The following TNS1 variants were observed in gnomAD, a reference collection of about 807,000 sequenced individuals.
The protein encoded by TNS1 is tensin 1, also known as tensin-1.
In TNS1, 62 loss-of-function variants were observed where a neutral mutation model predicts 168.6. The observed-to-expected ratio is 0.37, with a 90% CI of 0.30 to 0.45. The LOEUF is 0.45. Ranked by LOEUF, TNS1 falls within the 20% of genes least tolerant of loss-of-function variation. The pLI is 1.00. For synonymous variants in TNS1, 934 were observed against 933.2 expected, an observed-to-expected ratio of 1.00 and a Z score of -0.02; for missense variants, 2,240 against 2,339.4, an observed-to-expected ratio of 0.96 and a Z score of 0.88.
intron 3 of TNS1, among the ~76,000 whole-genome samples, chr2:217,949,355 G>T (rs912001613): frequency 1.3e-5 from 2 of 152,196 alleles, no homozygotes; most frequent in African/African-American, 4.8e-5. Flanking sequence ...CTGCCTCCAG[G>T]GCAGGGTTTC....
intron 3 of TNS1, among the ~76,000 whole-genome samples, chr2:217,920,609 T>C (rs1955617641): frequency 1.3e-5 from 2 of 151,166 alleles, no homozygotes; most frequent in Admixed American, 6.6e-5. Context: ...TTCTACAATA[T>C]GGTAAAATTC....
At chr2:218,020,849 C>T (rs1268387589) in intron 1 of TNS1, among the ~76,000 whole-genome samples, 1 of 152,160 alleles carries the variant, frequency 6.6e-6, no homozygotes, top group Admixed American at 6.5e-5. Flanking sequence ...CCTTGACTAT[C>T]CCTTTACTAA....
Position 217,812,437 on chromosome 2 carries a change from A to T in TNS1, c.4963T>A (p.Ser1655Thr), listed in dbSNP as rs547668519. Residue 1655 changes from serine to threonine, a missense_variant, in exon 28 of 33, where the codon TCT becomes ACT. Coordinates refer to ENST00000682258, the MANE Select transcript of TNS1 (RefSeq NM_001387777.1). ...CPNEPNFGSL[S>T]ALVYQHSIIP... ...ATGGAGTGCTGGTAGACCAGGGCAG[A>T]CAGCGATCCTGTAGGGAGGCAGACG... 8.7e-6 allele frequency: 14 copies of T among 1,614,004 alleles called. No homozygotes were observed. The highest frequency in any genetic ancestry group is 1.2e-5 in the Non-Finnish European group (14 of 1,180,012).
chr2:217,965,962 G>A (rs35638311), intron 3 of TNS1, among the ~76,000 whole-genome samples: 25,110 of 151,390 alleles, frequency 0.17, 2,586 homozygotes, highest in African/African-American at 0.29. Context: ...TCCCTCTAGC[G>A]TGCTTCATCC....
intron 12 of TNS1, among the ~76,000 whole-genome samples, chr2:217,887,813 G>C (rs1951352709): frequency 6.6e-6 from 1 of 152,246 alleles, no homozygotes; most frequent in South Asian, 2.1e-4. Flanking sequence ...ATAAACTAGA[G>C]ATCGGTCATC....
chr2:217,958,777 G>A (rs1030667461), intron 3 of TNS1, among the ~76,000 whole-genome samples: 1 of 152,252 alleles, frequency 6.6e-6, no homozygotes, highest in Non-Finnish European at 1.5e-5. Flanking sequence ...GCGGGAGCCT[G>A]AGGCCCAGCA....
Position 217,941,070 on chromosome 2 carries a change from G to T in TNS1, c.187-20834C>A, listed in dbSNP as rs149603741. 2.0e-5 allele frequency among the ~76,000 whole-genome samples: 3 copies of T among 152,250 alleles called. No individual in the cohort carries two copies. The East Asian group carries it at 5.8e-4, about 29-fold the overall frequency. ...CCACTTGATGCTGCCCGGACAACCC[G>T]CATTATTTACAAATGTGGAAACTGA... On this transcript the variant is annotated intron_variant, in intron 3 of 32. Coordinates refer to ENST00000682258, the MANE Select transcript of TNS1 (RefSeq NM_001387777.1).
At chr2:217,860,263 T>C (rs1431080107) in intron 18 of TNS1, among the ~76,000 whole-genome samples, 1 of 151,768 alleles carries the variant, frequency 6.6e-6, no homozygotes, top group Non-Finnish European at 1.5e-5. Flanking sequence ...TCTTTGAGGG[T>C]AAAGAAAGAA....
chr2:217,891,185 C>T, intron 11 of TNS1, 140 bp from the exon 12 acceptor site: 3 of 737,098 alleles, frequency 4.1e-6, no homozygotes, highest in Non-Finnish European at 6.9e-6. Context: ...AAGCCTCTTC[C>T]CCCTGCCATC....
intron 3 of TNS1, among the ~76,000 whole-genome samples, chr2:217,975,971 G>T (rs1957884451): frequency 6.6e-6 from 1 of 152,058 alleles, no homozygotes; most frequent in South Asian, 2.1e-4. Context: ...AAACTCCCCA[G>T]CACTCACTAC....
chr2:217,980,020 G>C (rs942968215), intron 2 of TNS1, among the ~76,000 whole-genome samples: 9 of 152,136 alleles, frequency 5.9e-5, no homozygotes, highest in African/African-American at 1.9e-4. Flanking sequence ...CCACACTAAG[G>C]CTTCTTCTGA....
At chr2:217,832,343 A>G (rs984433757) in intron 21 of TNS1, among the ~76,000 whole-genome samples, 5 of 152,152 alleles carry the variant, frequency 3.3e-5, no homozygotes, top group Non-Finnish European at 1.5e-5. Context: ...GCTTTTTCCC[A>G]TTAGCCAAGA....
chr2:217,898,453 CT>C (rs1386672243), intron 7 of TNS1, among the ~76,000 whole-genome samples: 1 of 152,234 alleles, frequency 6.6e-6, no homozygotes, highest in East Asian at 1.9e-4. Context: ...CTGCCCGCCC[CT>C]AGCTCTCGAG....
At chr2:218,020,707 G>A (rs753793327) in intron 1 of TNS1, among the ~76,000 whole-genome samples, 1 of 152,190 alleles carries the variant, frequency 6.6e-6, no homozygotes, top group African/African-American at 2.4e-5. Flanking sequence ...CTAGCAAAAA[G>A]TGAGTGTTTG....
chr2:218,013,849 G>A (rs1009123703), upstream of TNS1, among the ~76,000 whole-genome samples: 1 of 151,676 alleles, frequency 6.6e-6, no homozygotes, highest in Non-Finnish European at 1.5e-5. Context: ...GCAGGCCAGG[G>A]AGGAGGCTCC....
intron 3 of TNS1, among the ~76,000 whole-genome samples, chr2:217,937,556 T>A (rs1320167823): frequency 6.6e-6 from 1 of 152,000 alleles, no homozygotes; most frequent in Non-Finnish European, 1.5e-5. Context: ...AGGGCCCTAA[T>A]CAGCAGGACT....
chr2:217,816,060 C>T (rs2125139279), intron 24 of TNS1, among the ~76,000 whole-genome samples: 1 of 152,282 alleles, frequency 6.6e-6, no homozygotes, highest in African/African-American at 2.4e-5. Flanking sequence ...TCAGACAGGA[C>T]ACAGTCCAAC....
Position 217,986,070 on chromosome 2 carries a change from G to A in TNS1, c.148+4872C>T, listed in dbSNP as rs552374763. On this transcript the variant is annotated intron_variant, in intron 2 of 32. Coordinates refer to ENST00000682258, the MANE Select transcript of TNS1 (RefSeq NM_001387777.1). This position sits in a 1 kb window ranked among gnomAD's most constrained non-coding sequence, Gnocchi z 4.7. ...TCCCACCTCCTCATTTAGGGAAAAGGGAAAGCCAGACCCAGAGAGGTTAAG... is the reference window on the plus strand; with the variant it reads ...TCCCACCTCCTCATTTAGGGAAAAGAGAAAGCCAGACCCAGAGAGGTTAAG... Among the ~76,000 whole-genome samples, 15 of 152,226 alleles carry A rather than the reference G, an allele frequency of 9.9e-5. No individual in the cohort carries two copies. Among genetic ancestry groups the A allele is most frequent in the African/African-American group, 2.9e-4 (12 of 41,534 alleles).
At chr2:217,836,343 T>C (rs754875873) in intron 19 of TNS1, 132 bp from the exon 20 acceptor site, 3 of 867,844 alleles carry the variant, frequency 3.5e-6, no homozygotes, top group Middle Eastern at 3.6e-4. Flanking sequence ...TCATCCCCCA[T>C]TGTCTTCCCC....
Sources: allele counts gnomAD v4.1 joint callset (sites outside exome capture counted in the v4.1 genomes callset), GRCh38; gene constraint gnomAD v4.1.1; non-coding constraint Gnocchi (gnomAD v3.1); transcripts MANE v1.5; gene names NCBI Gene and HGNC (gene_info 2026-07-23, HGNC 2026-07-21).